RPSA2: variants seen among roughly 807,000 people sequenced by gnomAD.
The protein encoded by RPSA2 is small ribosomal subunit protein uS2B.
chr19:23,850,755 C>A, the RPSA2 span, among the ~76,000 whole-genome samples: 2 of 151,790 alleles, frequency 1.3e-5, no homozygotes, highest in Non-Finnish European at 2.9e-5. Flanking sequence ...ATTTTTTTTG[C>A]CTGTATAATG....
At chr19:23,800,519 T>C in the RPSA2 span, among the ~76,000 whole-genome samples, 1 of 152,234 alleles carries the variant, frequency 6.6e-6, no homozygotes, top group African/African-American at 2.4e-5. Context: ...GTGCATACTG[T>C]CACCTAAATA....
At chr19:23,794,899 C>T in the RPSA2 span, among the ~76,000 whole-genome samples, 1 of 152,170 alleles carries the variant, frequency 6.6e-6, no homozygotes, top group Non-Finnish European at 1.5e-5. Context: ...CTACATACTG[C>T]TAGCTAGTTA....
the RPSA2 span, chr19:23,831,782 A>T: frequency 3.5e-6 from 1 of 288,704 alleles, no homozygotes; most frequent in Non-Finnish European, 7.3e-6. Context: ...CAAGTGTTTC[A>T]CAACTACTCA....
At chr19:23,813,876 C>T in the RPSA2 span, among the ~76,000 whole-genome samples, 1 of 151,610 alleles carries the variant, frequency 6.6e-6, no homozygotes. Flanking sequence ...GCACGTGCCA[C>T]CACACCCGGC....
chr19:23,852,070 G>T, the RPSA2 span, among the ~76,000 whole-genome samples: 3 of 152,130 alleles, frequency 2.0e-5, no homozygotes, highest in Non-Finnish European at 4.4e-5. Flanking sequence ...TAGCCCAGTA[G>T]GGGAGTGGAA....
chr19:23,859,185 T>C, the RPSA2 span, among the ~76,000 whole-genome samples: 1 of 152,156 alleles, frequency 6.6e-6, no homozygotes, highest in Non-Finnish European at 1.5e-5. Context: ...TTAAGAAATA[T>C]AGCACATTTT....
the RPSA2 span, among the ~76,000 whole-genome samples, chr19:23,805,012 G>A: frequency 2.6e-5 from 4 of 152,178 alleles, no homozygotes; most frequent in Admixed American, 2.6e-4. Context: ...AACCTGTTCT[G>A]TTTGGGTTTG....
chr19:23,828,999 CTATTA>C, the RPSA2 span, among the ~76,000 whole-genome samples: 2 of 151,606 alleles, frequency 1.3e-5, no homozygotes, highest in Non-Finnish European at 2.9e-5. Flanking sequence ...GTGAATGAAT[CTATTA>C]TTTTTTGATG....
At chr19:23,766,632 A>G in the RPSA2 span, among the ~76,000 whole-genome samples, 2 of 150,686 alleles carry the variant, frequency 1.3e-5, no homozygotes, top group Non-Finnish European at 3.0e-5. Flanking sequence ...TTTTTTGTAT[A>G]TTTAGTAGAG....
the RPSA2 span, chr19:23,819,584 A>G: frequency 1.3e-5 from 2 of 152,186 alleles, no homozygotes; most frequent in Non-Finnish European, 2.9e-5. Flanking sequence ...GCTTATGGGC[A>G]TTCTTTCCCA....
At chr19:23,762,813 G>A in the RPSA2 span, 1 of 152,156 alleles carries the variant, frequency 6.6e-6, no homozygotes, top group Non-Finnish European at 1.5e-5. Flanking sequence ...GTAATTCCCT[G>A]TGCATGTTAC....
the RPSA2 span, among the ~76,000 whole-genome samples, chr19:23,801,733 CTCTA>C: frequency 1.3e-5 from 2 of 152,172 alleles, no homozygotes; most frequent in African/African-American, 2.4e-5. Flanking sequence ...TCACCCCACT[CTCTA>C]TCTCTCTTCT....
chr19:23,823,363 C>A, the RPSA2 span, among the ~76,000 whole-genome samples: 1 of 152,130 alleles, frequency 6.6e-6, no homozygotes. Flanking sequence ...GTTTGTTAAT[C>A]CCCTCACAAT....
At chr19:23,865,181 A>G in the RPSA2 span, among the ~76,000 whole-genome samples, 1 of 152,224 alleles carries the variant, frequency 6.6e-6, no homozygotes, top group Non-Finnish European at 1.5e-5. Flanking sequence ...ATATAAGGTC[A>G]GTGCTCTAAA....
the RPSA2 span, among the ~76,000 whole-genome samples, chr19:23,770,824 C>T: frequency 6.6e-6 from 1 of 152,130 alleles, no homozygotes; most frequent in Admixed American, 6.5e-5. Flanking sequence ...GGCACTTCTG[C>T]CTTATCCCTG....
the RPSA2 span, among the ~76,000 whole-genome samples, chr19:23,835,437 TA>T: frequency 6.6e-6 from 1 of 152,130 alleles, no homozygotes; most frequent in African/African-American, 2.4e-5. Flanking sequence ...CCTAATTCAC[TA>T]GAAAACAAAA....
chr19:23,824,580 C>CTTTCTTTTTCTT, the RPSA2 span, among the ~76,000 whole-genome samples: 1 of 63,822 alleles, frequency 1.6e-5, no homozygotes, highest in African/African-American at 6.1e-5. Context: ...TATAGCATTT[C>CTTTCTTTTTCTT]TTTTTTTTTT....
the RPSA2 span, among the ~76,000 whole-genome samples, chr19:23,870,669 G>C: frequency 6.6e-6 from 1 of 152,208 alleles, no homozygotes. Context: ...TATAGTTCTG[G>C]GAATAATGTT....
chr19:23,795,608 T>C, the RPSA2 span, among the ~76,000 whole-genome samples: 115 of 152,242 alleles, frequency 7.6e-4, no homozygotes, highest in African/African-American at 2.6e-3. Context: ...TAGAGTTATG[T>C]TGTCTGCAAA....
Sources: gnomAD v4.1 joint callset for allele counts (sites outside exome capture counted in the v4.1 genomes callset) on GRCh38, gnomAD v4.1.1 for gene constraint, MANE v1.5 for transcripts, NCBI Gene and HGNC (gene_info 2026-07-23, HGNC 2026-07-21) for gene names.